Variants in DMXL2 observed in about 807,000 individuals in gnomAD.
DMXL2 encodes the protein Dmx like 2.
DMXL2 carries 103 observed loss-of-function variants against 331.1 expected under a neutral mutation model. The ratio of observed to expected loss-of-function variants is 0.31; its 90% CI spans 0.27 to 0.37. The LOEUF (loss-of-function observed/expected upper bound fraction) is 0.37. DMXL2 is among the 10% of genes least tolerant of loss of function. The pLI is 1.00. For missense variants in DMXL2, 3,171 were observed against 3,642.9 expected, an observed-to-expected ratio of 0.87 and a Z score of 3.33; for synonymous variants, 1,281 against 1,252.1, an observed-to-expected ratio of 1.02 and a Z score of -0.49.
chr15:51,556,936 T>C (rs2049634441), intron 6 of DMXL2, among the ~76,000 whole-genome samples: 1 of 152,116 alleles, frequency 6.6e-6, no homozygotes, highest in Non-Finnish European at 1.5e-5. Context: ...GTAAACATTA[T>C]ATTTATGATG....
chr15:51,536,210 G>C lies in DMXL2; in HGVS notation c.2270C>G (p.Ser757Cys). Residue 757 changes from serine (S) to cysteine (C), a missense_variant, in exon 12 of 44, where the codon TCT becomes TGT. Ser to Cys is a moderately radical substitution (Grantham distance 112). Transcript: ENST00000560891. ...GAGAGTTGGAAGCCAAGCCACATTA[G>C]AGAACGCTGAGGTATGTAAAGAGTT... ...RINSLHTSAF[S>C]NVAWLPTLIP... 2 of 1,607,970 alleles carry C rather than the reference G, an allele frequency of 1.2e-6. No individual in the cohort carries two copies. Among genetic ancestry groups the C allele is most frequent in the Non-Finnish European group, 1.7e-6 (2 of 1,177,698 alleles).
At position 51,542,245 on chromosome 15, in the gene DMXL2, T is replaced by C. The variant is rs570791439; in HGVS notation, c.1105+88A>G. 9 of 1,302,276 alleles carry C rather than the reference T, an allele frequency of 6.9e-6. No individual in the cohort carries two copies. The East Asian group carries it at 1.9e-4, about 27-fold the overall frequency. The allele number at this position is 1,302,276 out of a possible 1,614,324, so 80.7% of individuals were successfully genotyped here. A position where few individuals can be genotyped will look rare whatever the true frequency, so the allele number is the denominator to read the frequency against. The stretch of plus-strand genomic sequence containing the variant: ...GTATTTTAAAGGCAACATGAAATAA[T>C]AAAAAACAGGTTATGAAAGTAGTTC... On this transcript the variant is annotated intron_variant, in intron 9 of 43. Transcript: ENST00000560891.
chr15:51,482,098 C>T (rs1449387984), intron 23 of DMXL2, among the ~76,000 whole-genome samples: 1 of 152,134 alleles, frequency 6.6e-6, no homozygotes, highest in Non-Finnish European at 1.5e-5. Flanking sequence ...CAACATTTTA[C>T]ATAATTTTAA....
chr15:51,532,202 A>C (rs1251749650), intron 13 of DMXL2, among the ~76,000 whole-genome samples: 1 of 152,150 alleles, frequency 6.6e-6, no homozygotes, highest in East Asian at 1.9e-4. Flanking sequence ...TGGCCAAAAA[A>C]AAAAATGAGA....
chr15:51,549,652 C>T (rs1685841064), intron 6 of DMXL2, among the ~76,000 whole-genome samples: 1 of 152,088 alleles, frequency 6.6e-6, no homozygotes, highest in Non-Finnish European at 1.5e-5. Flanking sequence ...TATGGCCATT[C>T]TTGCAGGAGT....
intron 6 of DMXL2, among the ~76,000 whole-genome samples, chr15:51,550,873 A>G (rs1254699197): frequency 6.6e-6 from 1 of 152,152 alleles, no homozygotes; most frequent in South Asian, 2.1e-4. Flanking sequence ...TCTTAAGCCT[A>G]AGAAAAATTT....
chr15:51,465,505 A>C, intron 31 of DMXL2, 61 bp downstream of exon 31: 3 of 1,235,860 alleles, frequency 2.4e-6, no homozygotes, highest in Non-Finnish European at 3.5e-6. Context: ...GATTTTGTAA[A>C]GAGAAACTTG....
Position 51,547,426 on chromosome 15 carries a change from C to A in DMXL2, c.568-18G>T. 6.5e-7 allele frequency: 1 copy of A among 1,531,084 alleles called. No individual in the cohort carries two copies. The highest frequency in any genetic ancestry group is 8.8e-7 in the Non-Finnish European group (1 of 1,142,468). 94.8% of individuals were successfully genotyped at this position (1,531,084 alleles called of 1,614,324 possible). ...CAATCATCCTGAAAAATACATAGGT[C>A]AATATAAAATTAATTTGTACATACA... On this transcript the variant is annotated intron_variant, in intron 6 of 43. Coordinates refer to ENST00000560891, the MANE Select transcript of DMXL2 (RefSeq NM_001378457.1).
At chr15:51,589,965 A>C (rs1445130861) in intron 1 of DMXL2, among the ~76,000 whole-genome samples, 1 of 152,246 alleles carries the variant, frequency 6.6e-6, no homozygotes, top group Non-Finnish European at 1.5e-5. Flanking sequence ...TAAACAACAC[A>C]TAATAGAAAA....
chr15:51,612,826 T>C (rs2054063118), intron 1 of DMXL2, among the ~76,000 whole-genome samples: 1 of 152,210 alleles, frequency 6.6e-6, no homozygotes, highest in African/African-American at 2.4e-5. Context: ...CTAATAAGCC[T>C]GGGAGCACTA....
chr15:51,505,213 A>G (rs1480747015), intron 16 of DMXL2, among the ~76,000 whole-genome samples: 1 of 152,374 alleles, frequency 6.6e-6, no homozygotes, highest in East Asian at 1.9e-4. Flanking sequence ...ACACTGTTAA[A>G]TCTGCAGCAA....
At chr15:51,473,761 T>G (rs1435840395) in intron 28 of DMXL2, among the ~76,000 whole-genome samples, 1 of 152,180 alleles carries the variant, frequency 6.6e-6, no homozygotes, top group African/African-American at 2.4e-5. Context: ...AAAAATATAT[T>G]CTGGCCATGA....
In DMXL2 at chr15:51,465,668, A is replaced by G. The variant is rs2140275176; in HGVS notation, c.7521-17T>C. On this transcript the variant is annotated splice_polypyrimidine_tract_variant and intron_variant, in intron 30 of 43. Transcript: ENST00000560891. Reference sequence around the variant, plus strand: ...AGAGCCCAGCTGTTCAAGGAGGGGCAAAAAGAGTCTTTAAGTGAAAAATAA... The same window carrying G: ...AGAGCCCAGCTGTTCAAGGAGGGGCGAAAAGAGTCTTTAAGTGAAAAATAA... 2 of 1,529,242 alleles carry G rather than the reference A, an allele frequency of 1.3e-6. No individual in the cohort carries two copies. Among genetic ancestry groups the G allele is most frequent in the East Asian group, 4.7e-5 (2 of 42,942 alleles). The allele number at this position is 1,529,242 out of a possible 1,614,324, so 94.7% of individuals were successfully genotyped here.
At chr15:51,546,330 C>T (rs750383972) in intron 7 of DMXL2, among the ~76,000 whole-genome samples, 4 of 152,018 alleles carry the variant, frequency 2.6e-5, no homozygotes, top group Non-Finnish European at 5.9e-5. Context: ...ATCATTCTCC[C>T]TTTAAAAAAA....
chr15:51,542,354 C>A lies in DMXL2; in HGVS notation c.1084G>T (p.Ala362Ser). The change falls in exon 9 of 44, where the codon GCA becomes TCA. Residue 362 changes from alanine (A) to serine (S), a missense_variant. By Grantham distance (99) the Ala-to-Ser change is moderately conservative (BLOSUM62 1). This residue lies in a region of DMXL2 where 1,674 missense variants were observed against 1,780.2 expected (regional missense o/e 0.94). Transcript: ENST00000560891. ...ANALCHFHIA[A>S]SINPATDIPN... ...TTACCTGTGGCAGGGTTGATGCTTG[C>A]TGCAATATGAAAATGACAGAGTGCA... 6.2e-7 allele frequency: 1 copy of A among 1,613,394 alleles called. No individual in the cohort carries two copies. Among genetic ancestry groups the A allele is most frequent in the Non-Finnish European group, 8.5e-7 (1 of 1,179,550 alleles).
chr15:51,451,174 T>A (rs1239863719), intron 42 of DMXL2, among the ~76,000 whole-genome samples: 1 of 152,192 alleles, frequency 6.6e-6, no homozygotes, highest in Non-Finnish European at 1.5e-5. Flanking sequence ...ATGCTTGTAA[T>A]CCCAGTACTT....
In DMXL2 at chr15:51,453,491, C is replaced by G. The variant is rs1240097223; in HGVS notation, c.8696+59G>C. 2.7e-5 allele frequency: 35 copies of G among 1,306,638 alleles called. 1 individual carries two copies. Among genetic ancestry groups the G allele is most frequent in the Non-Finnish European group, 3.6e-5 (34 of 943,028 alleles). The allele number at this position is 1,306,638 out of a possible 1,614,324, so 80.9% of individuals were successfully genotyped here. On this transcript the variant is annotated intron_variant, in intron 41 of 43. Coordinates refer to ENST00000560891, the MANE Select transcript of DMXL2 (RefSeq NM_001378457.1). ...CCCTACTAATAGAAAAGTATTCTTG[C>G]TAAAGGTATGGATTTCTAACGTTTT...
intron 23 of DMXL2, among the ~76,000 whole-genome samples, chr15:51,481,904 A>G (rs2042042795): frequency 1.3e-5 from 2 of 152,208 alleles, no homozygotes; most frequent in Admixed American, 1.3e-4. Flanking sequence ...CCTTTTATCT[A>G]TCTAAGACAG....
At chr15:51,469,421 T>C (rs1238286173) in intron 29 of DMXL2, among the ~76,000 whole-genome samples, 2 of 152,188 alleles carry the variant, frequency 1.3e-5, no homozygotes, top group Non-Finnish European at 1.5e-5. Context: ...ATGACAGCTA[T>C]ATAAGTTTTT....
Sources: allele counts gnomAD v4.1 joint callset (sites outside exome capture counted in the v4.1 genomes callset), GRCh38; gene constraint gnomAD v4.1.1; regional missense constraint gnomAD v4.1.1; transcripts MANE v1.5; gene names NCBI Gene and HGNC (gene_info 2026-07-23, HGNC 2026-07-21).